SYNJ2BP: variants seen among roughly 807,000 people sequenced by gnomAD.
SYNJ2BP encodes synaptojanin 2 binding protein.
Under a neutral mutation model 16.9 loss-of-function variants are expected in SYNJ2BP, and 10 were observed. That is an observed-to-expected ratio of 0.59 (90% CI 0.36 to 1.00). The LOEUF is 1.00. Ranked by LOEUF, SYNJ2BP falls within the 50% of genes least tolerant of loss-of-function variation. The pLI, the probability that SYNJ2BP is intolerant of heterozygous loss-of-function variation, is 0.01. For synonymous variants in SYNJ2BP, 54 were observed against 68.4 expected (o/e 0.79, Z 1.04); for missense variants, 162 against 186.7 (o/e 0.87, Z 0.77).
intron 1 of SYNJ2BP, among the ~76,000 whole-genome samples, chr14:70,408,055 T>C (rs188343091): frequency 1.3e-5 from 2 of 151,782 alleles, no homozygotes; most frequent in East Asian, 3.9e-4. Context: ...TTTCCAGTTC[T>C]AGGGAAATCT....
intron 1 of SYNJ2BP, among the ~76,000 whole-genome samples, chr14:70,402,366 G>A (rs555904326): frequency 2.0e-4 from 31 of 152,316 alleles, no homozygotes; most frequent in Non-Finnish European, 3.8e-4. Flanking sequence ...GGTAAGAAAG[G>A]TGTGGCTTAA....
chr14:70,408,567 G>T (rs573790438), intron 1 of SYNJ2BP, among the ~76,000 whole-genome samples: 1 of 151,992 alleles, frequency 6.6e-6, no homozygotes, highest in South Asian at 2.1e-4. Flanking sequence ...CAGCTACTTG[G>T]GAGGCTGAGG....
chr14:70,407,776 C>T (rs911821319), intron 1 of SYNJ2BP, among the ~76,000 whole-genome samples: 4 of 152,178 alleles, frequency 2.6e-5, no homozygotes, highest in Non-Finnish European at 5.9e-5. Context: ...TTTGCTATCG[C>T]TTTTCACCCT....
rs1305528061 is a variant in SYNJ2BP at position 70,366,813 on chromosome 14, G to C, written c.*6178C>G. On this transcript the variant is annotated 3_prime_UTR_variant, in exon 4 of 4. Transcript: ENST00000256366. ...GCAGAAAGGAAGCAAAACAAAACAG[G>C]GTTCATGAGGAAAATAATCTTCTAA... is the stretch of plus-strand genomic sequence containing the variant. 1 of 152,070 alleles carries C rather than the reference G, an allele frequency of 6.6e-6. No homozygotes were observed. Among genetic ancestry groups the C allele is most frequent in the Non-Finnish European group, 1.5e-5 (1 of 68,020 alleles). The allele number at this position is 152,070 out of a possible 1,614,324, so 9.4% of individuals were successfully genotyped here. A position where few individuals can be genotyped will look rare whatever the true frequency, so the allele number is the denominator to read the frequency against.
At chr14:70,405,074 C>T (rs1036664596) in intron 1 of SYNJ2BP, among the ~76,000 whole-genome samples, 1 of 152,106 alleles carries the variant, frequency 6.6e-6, no homozygotes, top group African/African-American at 2.4e-5. Flanking sequence ...CTGCAGTAAG[C>T]TGTAATCACA....
At position 70,416,840 on chromosome 14, in the gene SYNJ2BP, G is replaced by A. The variant is rs938769146; in HGVS notation, c.64+60C>T. 1.9e-6 allele frequency: 3 copies of A among 1,611,304 alleles called. No individual in the cohort carries two copies. In the African/African-American group the frequency reaches 4.0e-5, roughly 22 times the overall value. On this transcript the variant is annotated intron_variant, in intron 1 of 3. Coordinates refer to ENST00000256366, the MANE Select transcript of SYNJ2BP (RefSeq NM_018373.3). Reference sequence around the variant, plus strand: ...CAGGTGAATCCGGCTCAGCAGCAGAGGTGTCTGCAATTACACCCTCTAATC... The same window carrying A: ...CAGGTGAATCCGGCTCAGCAGCAGAAGTGTCTGCAATTACACCCTCTAATC...
At chr14:70,406,924 C>T (rs1427870559) in intron 1 of SYNJ2BP, among the ~76,000 whole-genome samples, 1 of 152,114 alleles carries the variant, frequency 6.6e-6, no homozygotes, top group East Asian at 1.9e-4. Context: ...ATTGCAATTC[C>T]CTTGCCTTGA....
intron 1 of SYNJ2BP, among the ~76,000 whole-genome samples, chr14:70,401,388 G>T (rs114736700): frequency 1.3e-5 from 2 of 151,998 alleles, no homozygotes; most frequent in Non-Finnish European, 2.9e-5. Flanking sequence ...TTCAGGCCAG[G>T]AGTTTGAGAC....
At chr14:70,416,551 G>T (rs61979071) in intron 1 of SYNJ2BP, among the ~76,000 whole-genome samples, 8,211 of 152,074 alleles carry the variant, frequency 0.054, 280 homozygotes, top group Middle Eastern at 0.11. Flanking sequence ...TCCCTCATAG[G>T]GGGAGGGATA....
At position 70,375,716 on chromosome 14, in the gene SYNJ2BP, C is replaced by T. The variant is rs758748035; in HGVS notation, c.257G>A (p.Arg86His). ...CAGAGACACAGCATAGCCTGCATTA[C>T]GAAAGAGGTCTACAGCATCCTGGTG... The part of the protein sequence containing the change: ...LLHQDAVDLF[R>H]NAGYAVSLRV... The change falls in exon 3 of 4, where the codon CGT becomes CAT. Residue 86 changes from arginine to histidine, a missense_variant. By Grantham distance (29) the Arg-to-His change is conservative (BLOSUM62 0). Transcript: ENST00000256366. The T allele has an allele frequency of 6.2e-6, 10 of 1,613,998 alleles. No individual in the cohort carries two copies. The highest frequency in any genetic ancestry group is 1.7e-5 in the Admixed American group (1 of 59,998).
chr14:70,395,719 T>C (rs1594952792), intron 1 of SYNJ2BP, among the ~76,000 whole-genome samples: 1 of 152,214 alleles, frequency 6.6e-6, no homozygotes, highest in Non-Finnish European at 1.5e-5. Context: ...CGTATAATCA[T>C]CACCACCACC....
chr14:70,413,864 C>T (rs1375958584), intron 1 of SYNJ2BP, among the ~76,000 whole-genome samples: 1 of 152,182 alleles, frequency 6.6e-6, no homozygotes, highest in East Asian at 1.9e-4. Flanking sequence ...GGGAATGGTA[C>T]ACATGTTCTC....
intron 2 of SYNJ2BP, among the ~76,000 whole-genome samples, chr14:70,379,787 C>T (rs936766830): frequency 4.6e-5 from 7 of 152,158 alleles, no homozygotes; most frequent in Admixed American, 4.6e-4. Flanking sequence ...CATGTGATAG[C>T]TCTATTTCTC....
intron 2 of SYNJ2BP, among the ~76,000 whole-genome samples, chr14:70,385,800 A>G (rs1368109240): frequency 6.6e-6 from 1 of 152,236 alleles, no homozygotes; most frequent in African/African-American, 2.4e-5. Context: ...GTATAACAGT[A>G]TAACATAGTG....
Position 70,367,577 on chromosome 14 carries a change from A to G in SYNJ2BP, c.*5414T>C, listed in dbSNP as rs981377856. On this transcript the variant is annotated 3_prime_UTR_variant, in exon 4 of 4. Coordinates refer to ENST00000256366, the MANE Select transcript of SYNJ2BP (RefSeq NM_018373.3). ...ACTCCGTCTCAAAAAAAAAAAAAAA[A>G]AAAAAAAAAAGAAAAGAAAAGAATC... 2.6e-5 allele frequency: 4 copies of G among 151,480 alleles called. No homozygotes were observed. The highest frequency in any genetic ancestry group is 4.4e-5 in the Non-Finnish European group (3 of 68,142). 9.4% of individuals were successfully genotyped at this position (151,480 alleles called of 1,614,324 possible).
chr14:70,367,877 A>G lies in SYNJ2BP; in HGVS notation c.*5114T>C, dbSNP rs1887427433. ...TTCATATGCTGAGCAATTTCAGCTTAGAGTGACTAAGTGTTATTTATCTCT... is the reference window on the plus strand; with the variant it reads ...TTCATATGCTGAGCAATTTCAGCTTGGAGTGACTAAGTGTTATTTATCTCT... On this transcript the variant is annotated 3_prime_UTR_variant, in exon 4 of 4. Transcript: ENST00000256366. 6.6e-6 allele frequency: 1 copy of G among 152,224 alleles called. No individual in the cohort carries two copies. The highest frequency in any genetic ancestry group is 6.5e-5 in the Admixed American group (1 of 15,274). 9.4% of individuals were successfully genotyped at this position (152,224 alleles called of 1,614,324 possible). A position where few individuals can be genotyped will look rare whatever the true frequency, so the allele number is the denominator to read the frequency against.
At chr14:70,383,160 T>C (rs921102647) in intron 2 of SYNJ2BP, among the ~76,000 whole-genome samples, 3 of 152,186 alleles carry the variant, frequency 2.0e-5, no homozygotes, top group African/African-American at 4.8e-5. Context: ...ACTAACTTAT[T>C]AGATGCTTAC....
chr14:70,410,744 C>G (rs1475575330), intron 1 of SYNJ2BP, among the ~76,000 whole-genome samples: 1 of 152,186 alleles, frequency 6.6e-6, no homozygotes, highest in Non-Finnish European at 1.5e-5. Context: ...GGCCATTATC[C>G]TTAGCAAACT....
chr14:70,388,985 A>C (rs1887922036), intron 1 of SYNJ2BP, among the ~76,000 whole-genome samples: 1 of 148,056 alleles, frequency 6.8e-6, no homozygotes, highest in South Asian at 2.1e-4. Flanking sequence ...CTGTAATCCC[A>C]GCTACTCAGG....
Sources: gnomAD v4.1 joint callset for allele counts (sites outside exome capture counted in the v4.1 genomes callset) on GRCh38, gnomAD v4.1.1 for gene constraint, MANE v1.5 for transcripts, NCBI Gene and HGNC (gene_info 2026-07-23, HGNC 2026-07-21) for gene names.